Variants in ROBO2 observed in about 807,000 individuals in gnomAD.
ROBO2 encodes roundabout guidance receptor 2, also known as roundabout homolog 2.
ROBO2 carries 53 observed loss-of-function variants against 160.8 expected under a neutral mutation model. The observed-to-expected ratio is 0.33, with a 90% CI of 0.26 to 0.41. ROBO2 has a LOEUF of 0.41. Ranked by LOEUF, ROBO2 falls within the 10% of genes least tolerant of loss-of-function variation. The pLI, the probability that ROBO2 is intolerant of heterozygous loss-of-function variation, is 1.00. For synonymous variants in ROBO2, 664 were observed against 611.7 expected (o/e 1.09, Z -1.26); for missense variants, 1,577 against 1,722.4 (o/e 0.92, Z 1.49).
At chr3:76,943,836 T>C (rs13326864) in intron 2 of ROBO2, among the ~76,000 whole-genome samples, 6,289 of 152,296 alleles carry the variant, frequency 0.041, 416 homozygotes, top group African/African-American at 0.14. Context: ...ATATACTGTG[T>C]CATTTACTCT....
At position 77,394,546 on chromosome 3, in the gene ROBO2, C is replaced by T. The variant is rs142210369; in HGVS notation, c.389-82868C>T. ...TTTTGTGCTCAGATGAGTTTTGCGTCTTCATTTCTCTTTCTTGCAATATTT... is the reference window on the plus strand; with the variant it reads ...TTTTGTGCTCAGATGAGTTTTGCGTTTTCATTTCTCTTTCTTGCAATATTT... On this transcript the variant is annotated intron_variant, in intron 2 of 25. Coordinates refer to ENST00000461745, the Ensembl canonical transcript of ROBO2. Among the ~76,000 whole-genome samples, 3 of 152,218 alleles carry T rather than the reference C, an allele frequency of 2.0e-5. No individual in the cohort carries two copies. The East Asian group carries it at 5.8e-4, about 29-fold the overall frequency.
intron 1 of ROBO2, among the ~76,000 whole-genome samples, chr3:77,079,029 T>C (rs2149904929): frequency 6.6e-6 from 1 of 152,256 alleles, no homozygotes; most frequent in Non-Finnish European, 1.5e-5. Flanking sequence ...CTGCAACCTC[T>C]GCCCCCTGAG....
intron 2 of ROBO2, among the ~76,000 whole-genome samples, chr3:77,379,795 C>A (rs2073193861): frequency 6.6e-6 from 1 of 152,060 alleles, no homozygotes; most frequent in South Asian, 2.1e-4. Flanking sequence ...CTGTTCCATC[C>A]AGATGCCCTT....
intron 2 of ROBO2, among the ~76,000 whole-genome samples, chr3:76,729,762 T>C (rs2093606149): frequency 6.6e-6 from 1 of 151,884 alleles, no homozygotes; most frequent in South Asian, 2.1e-4. Flanking sequence ...CTCAGCCTCC[T>C]GAGTAGCTGG....
At chr3:77,480,649 T>C (rs1378467595) in intron 3 of ROBO2, among the ~76,000 whole-genome samples, 2 of 152,164 alleles carry the variant, frequency 1.3e-5, no homozygotes, top group Non-Finnish European at 2.9e-5. Flanking sequence ...GATTTACCAC[T>C]GTCTCTTAAG....
chr3:77,589,985 A>G (rs775728), intron 17 of ROBO2, among the ~76,000 whole-genome samples: 95,565 of 151,860 alleles, frequency 0.63, 30,260 homozygotes, highest in Middle Eastern at 0.72. Flanking sequence ...GGCGTCATTG[A>G]TTATTAAGCT....
chr3:77,465,303 T>A (rs932106006), intron 2 of ROBO2, among the ~76,000 whole-genome samples: 5 of 152,112 alleles, frequency 3.3e-5, no homozygotes, highest in Non-Finnish European at 1.5e-5. Flanking sequence ...TTTGGTACCA[T>A]CCCAGGGAGA....
chr3:77,198,026 C>T (rs924451042), intron 2 of ROBO2, among the ~76,000 whole-genome samples: 1 of 152,164 alleles, frequency 6.6e-6, no homozygotes, highest in Non-Finnish European at 1.5e-5. Flanking sequence ...TTGTCCTATT[C>T]ACATTTGTAT....
chr3:77,529,434 G>A (rs2091458935), intron 6 of ROBO2, among the ~76,000 whole-genome samples: 1 of 151,610 alleles, frequency 6.6e-6, no homozygotes, highest in Admixed American at 6.6e-5. Flanking sequence ...GTACTTATAA[G>A]CTAATGACTT....
chr3:76,606,210 A>G (rs1479193967), intron 2 of ROBO2, among the ~76,000 whole-genome samples: 1 of 152,158 alleles, frequency 6.6e-6, no homozygotes, highest in Non-Finnish European at 1.5e-5. Flanking sequence ...TGTGTTACCT[A>G]ATTTTGCCAT....
At chr3:76,241,454 A>G (rs1251540318) in intron 2 of ROBO2, among the ~76,000 whole-genome samples, 1 of 152,228 alleles carries the variant, frequency 6.6e-6, no homozygotes, top group South Asian at 2.1e-4. Context: ...AGAACGGAGG[A>G]AAATCCCTGT....
intron 2 of ROBO2, among the ~76,000 whole-genome samples, chr3:77,287,276 AT>A (rs2060672980): frequency 6.6e-6 from 1 of 151,838 alleles, no homozygotes; most frequent in Non-Finnish European, 1.5e-5. Flanking sequence ...ATAGCGTAGA[AT>A]TGCAACATGC....
At chr3:77,410,575 C>T (rs371409781) in intron 2 of ROBO2, among the ~76,000 whole-genome samples, 1 of 127,594 alleles carries the variant, frequency 7.8e-6, no homozygotes, top group Non-Finnish European at 1.7e-5. Flanking sequence ...TCTTCCTCCT[C>T]CTCTTCCTCC....
chr3:76,582,623 G>A (rs765075732), intron 2 of ROBO2, among the ~76,000 whole-genome samples: 5 of 152,048 alleles, frequency 3.3e-5, no homozygotes, highest in Non-Finnish European at 5.9e-5. Flanking sequence ...ATTCAATTAA[G>A]TATATAAAAA....
intron 2 of ROBO2, among the ~76,000 whole-genome samples, chr3:77,135,018 C>T (rs2076165079): frequency 1.3e-5 from 2 of 152,192 alleles, no homozygotes; most frequent in South Asian, 4.1e-4. Flanking sequence ...AGAGATGACG[C>T]CGTGTCATTA....
intron 2 of ROBO2, among the ~76,000 whole-genome samples, chr3:76,157,257 G>T (rs992735538): frequency 6.6e-6 from 1 of 151,910 alleles, no homozygotes. Flanking sequence ...AACTTTTTCA[G>T]TTCAAACTTT....
intron 24 of ROBO2, 114 bp from the exon 26 acceptor site, chr3:77,642,557 T>A (rs1003157515): frequency 2.8e-6 from 1 of 354,160 alleles, no homozygotes; most frequent in African/African-American, 2.1e-5. Flanking sequence ...TTTCCCCAAA[T>A]TTTTTTTGTA....
chr3:76,260,895 A>G (rs1706700990), intron 2 of ROBO2, among the ~76,000 whole-genome samples: 1 of 151,984 alleles, frequency 6.6e-6, no homozygotes, highest in Non-Finnish European at 1.5e-5. Flanking sequence ...ATCTCATACT[A>G]TTTTTTTCCT....
At chr3:77,180,540 A>G (rs190241140) in intron 2 of ROBO2, among the ~76,000 whole-genome samples, 1 of 148,274 alleles carries the variant, frequency 6.7e-6, no homozygotes, top group Admixed American at 6.8e-5. Context: ...GGTTCAAGCG[A>G]TTCTCCTGCC....
Sources: allele counts gnomAD v4.1 joint callset (sites outside exome capture counted in the v4.1 genomes callset), GRCh38; gene constraint gnomAD v4.1.1; transcripts MANE v1.5; gene names NCBI Gene and HGNC (gene_info 2026-07-23, HGNC 2026-07-21).